Variants in NAALAD2 observed in about 807,000 individuals in gnomAD.
The protein encoded by NAALAD2 is N-acetylated alpha-linked acidic dipeptidase 2.
In NAALAD2, 89 loss-of-function variants were observed where a neutral mutation model predicts 95.6. That is an observed-to-expected ratio of 0.93 (90% CI 0.78 to 1.11). The LOEUF (loss-of-function observed/expected upper bound fraction) is 1.11. NAALAD2 is among the 50% of genes least tolerant of loss of function. The pLI is 0.00. For synonymous variants in NAALAD2, 264 were observed against 294.4 expected (o/e 0.90, Z 1.06); for missense variants, 894 against 872.4 (o/e 1.02, Z -0.31).
At chr11:90,146,903 A>G (rs1388394141) in intron 2 of NAALAD2, among the ~76,000 whole-genome samples, 1 of 152,160 alleles carries the variant, frequency 6.6e-6, no homozygotes, top group Non-Finnish European at 1.5e-5. Flanking sequence ...TGCATACATG[A>G]TACAATCAAC....
intron 2 of NAALAD2, among the ~76,000 whole-genome samples, 170 bp from the exon 3 acceptor site, chr11:90,147,160 T>G (rs1311250282): frequency 6.6e-6 from 1 of 152,162 alleles, no homozygotes; most frequent in Non-Finnish European, 1.5e-5. Flanking sequence ...CACAAATAAC[T>G]TAAAAATTGG....
intron 6 of NAALAD2, among the ~76,000 whole-genome samples, chr11:90,155,098 TA>T (rs1209504643): frequency 8.0e-6 from 1 of 124,706 alleles, no homozygotes; most frequent in Non-Finnish European, 1.5e-5. Flanking sequence ...ATTATATACG[TA>T]TACATATGTA....
At chr11:90,167,203 C>T (rs1952484983) in intron 11 of NAALAD2, among the ~76,000 whole-genome samples, 1 of 152,022 alleles carries the variant, frequency 6.6e-6, no homozygotes, top group Admixed American at 6.5e-5. Context: ...AAGGAGCGGG[C>T]GGGAACCGGG....
In NAALAD2 at chr11:90,163,543, C is replaced by G; in HGVS notation, c.1204C>G (p.Pro402Ala). 1.2e-6 allele frequency: 2 copies of G among 1,613,952 alleles called. No homozygotes were observed. Among genetic ancestry groups the G allele is most frequent in the Non-Finnish European group, 1.7e-6 (2 of 1,179,938 alleles). The change falls in exon 11 of 19, where the codon CCT becomes GCT. Residue 402 changes from proline to alanine, a missense_variant. Coordinates refer to ENST00000534061, the MANE Select transcript of NAALAD2 (RefSeq NM_005467.4). ...FGKLMSKGWR[P>A]RRTIIFASWD... ...GTTAACAATTCTTACAGGCTGGAGACCTAGAAGAACTATCATTTTTGCCAG... is the reference window on the plus strand; with the variant it reads ...GTTAACAATTCTTACAGGCTGGAGAGCTAGAAGAACTATCATTTTTGCCAG...
At chr11:90,185,973 CTT>C (rs1318665731) in intron 18 of NAALAD2, among the ~76,000 whole-genome samples, 16 of 150,802 alleles carry the variant, frequency 1.1e-4, no homozygotes, top group African/African-American at 3.9e-4. Context: ...CATCTCATGA[CTT>C]TTTGAGTCCA....
intron 13 of NAALAD2, among the ~76,000 whole-genome samples, chr11:90,172,027 G>T (rs561370263): frequency 6.6e-6 from 1 of 152,178 alleles, no homozygotes; most frequent in Non-Finnish European, 1.5e-5. Flanking sequence ...AGCTGATCTG[G>T]ATTTTCTAGG....
At chr11:90,147,241 A>G in intron 2 of NAALAD2, 89 bp from the exon 3 acceptor site, 1 of 991,998 alleles carries the variant, frequency 1.0e-6, no homozygotes. Flanking sequence ...CTTAATGCCC[A>G]ATGCATAAGT....
intron 13 of NAALAD2, among the ~76,000 whole-genome samples, chr11:90,173,112 T>TA (rs1952688015): frequency 6.6e-6 from 1 of 152,122 alleles, no homozygotes; most frequent in Admixed American, 6.6e-5. Flanking sequence ...CTGCTCTTCT[T>TA]AGAGTGTCAA....
In NAALAD2 at chr11:90,161,523, C is replaced by A. The variant is rs140946301; in HGVS notation, c.990-1426C>A. ...AGCAGTGAATAAAGTAGGCAAAAAT[C>A]TCCTCCCTGTGGAGCCTGCATTCTA... On this transcript the variant is annotated intron_variant, in intron 8 of 18. Transcript: ENST00000534061. 1.5e-3 allele frequency among the ~76,000 whole-genome samples: 233 copies of A among 152,256 alleles called. 1 individual carries two copies. Among genetic ancestry groups the A allele is most frequent in the African/African-American group, 5.2e-3 (216 of 41,550 alleles).
chr11:90,182,560 T>C (rs1953004912), intron 17 of NAALAD2, among the ~76,000 whole-genome samples: 1 of 152,144 alleles, frequency 6.6e-6, no homozygotes, highest in South Asian at 2.1e-4. Context: ...TTTTCAGCAG[T>C]AGAACCGAAT....
intron 11 of NAALAD2, among the ~76,000 whole-genome samples, chr11:90,167,219 G>A (rs1033427114): frequency 1.3e-5 from 2 of 152,054 alleles, no homozygotes; most frequent in Non-Finnish European, 2.9e-5. Flanking sequence ...CCGGGGCTGC[G>A]CGGGCGCTTG....
chr11:90,182,846 T>A (rs1857003827), intron 17 of NAALAD2, 70 bp from the exon 18 acceptor site: 1 of 1,049,690 alleles, frequency 9.5e-7, no homozygotes, highest in Admixed American at 2.0e-5. Flanking sequence ...AGCCTTGTTT[T>A]TATTTAATAT....
At chr11:90,142,848 A>C (rs1449679453) in intron 2 of NAALAD2, among the ~76,000 whole-genome samples, 1 of 151,960 alleles carries the variant, frequency 6.6e-6, no homozygotes. Flanking sequence ...ATTTCAATTT[A>C]TCTTTTGGCT....
At position 90,177,931 on chromosome 11, in the gene NAALAD2, C is replaced by T; in HGVS notation, c.1672C>T (p.Pro558Ser). ...TFELVEKFYDPTFKKQLSVAQ... is the reference protein window; with the variant it reads ...TFELVEKFYDSTFKKQLSVAQ... ...TGAATTGGTAGAGAAATTTTATGAC[C>T]CCACATTTAAAAAACAACTTTCTGT... The change falls in exon 16 of 19, where the codon CCC becomes TCC. Residue 558 changes from proline (P) to serine (S), a missense_variant. Coordinates refer to ENST00000534061, the MANE Select transcript of NAALAD2 (RefSeq NM_005467.4). 4 of 1,613,418 alleles carry T rather than the reference C, an allele frequency of 2.5e-6. No homozygotes were observed. The highest frequency in any genetic ancestry group is 3.4e-6 in the Non-Finnish European group (4 of 1,179,860).
At chr11:90,177,594 T>C (rs1208887093) in intron 15 of NAALAD2, among the ~76,000 whole-genome samples, 1 of 47,628 alleles carries the variant, frequency 2.1e-5, no homozygotes, top group Non-Finnish European at 4.1e-5. Context: ...TTGTTTTTTT[T>C]TTTTTTTTTT....
At chr11:90,177,587 T>G (rs532119697) in intron 15 of NAALAD2, among the ~76,000 whole-genome samples, 13 of 18,196 alleles carry the variant, frequency 7.1e-4, no homozygotes, top group Admixed American at 4.6e-3. Flanking sequence ...CTTTTTCTTG[T>G]TTTTTTTTTT....
At chr11:90,173,591 G>A (rs1226354976) in intron 13 of NAALAD2, among the ~76,000 whole-genome samples, 1 of 152,078 alleles carries the variant, frequency 6.6e-6, no homozygotes, top group Non-Finnish European at 1.5e-5. Flanking sequence ...TAGGTACATG[G>A]CAAAATTACC....
intron 11 of NAALAD2, among the ~76,000 whole-genome samples, chr11:90,168,493 T>C (rs1259128603): frequency 6.6e-6 from 1 of 151,916 alleles, no homozygotes; most frequent in Non-Finnish European, 1.5e-5. Context: ...GGCAACAGAG[T>C]GAGTCTCTGT....
At chr11:90,147,303 C>T (rs931915590) in intron 2 of NAALAD2, 27 bp from the exon 3 acceptor site, 8 of 1,570,010 alleles carry the variant, frequency 5.1e-6, no homozygotes, top group Non-Finnish European at 6.1e-6. Flanking sequence ...GTCTTTAATG[C>T]CCTCTTATGT....
Sources: allele counts gnomAD v4.1 joint callset (sites outside exome capture counted in the v4.1 genomes callset), GRCh38; gene constraint gnomAD v4.1.1; transcripts MANE v1.5; gene names NCBI Gene and HGNC (gene_info 2026-07-23, HGNC 2026-07-21).